The following STK11 variants were observed in gnomAD, a reference collection of about 807,000 sequenced individuals.
STK11 encodes the protein serine/threonine kinase 11.
Under a neutral mutation model 47.3 loss-of-function variants are expected in STK11, and 8 were observed. That is an observed-to-expected ratio of 0.17 (90% CI 0.10 to 0.31). The LOEUF (loss-of-function observed/expected upper bound fraction) is 0.31. STK11 is among the 10% of genes least tolerant of loss of function. The pLI, the probability that STK11 is intolerant of heterozygous loss-of-function variation, is 1.00. For missense variants in STK11, 475 were observed against 605.0 expected (o/e 0.79, Z 2.25); for synonymous variants, 330 against 255.8 (o/e 1.29, Z -2.77).
intron 1 of STK11, chr19:1,216,260 T>C: frequency 5.9e-6 from 1 of 169,094 alleles, no homozygotes; most frequent in Non-Finnish European, 1.3e-5. Flanking sequence ...CTCCATCCCC[T>C]CCACCAGCTC....
chr19:1,218,977 C>T (rs1304591696), intron 2 of STK11, among the ~76,000 whole-genome samples: 2 of 151,688 alleles, frequency 1.3e-5, no homozygotes, highest in African/African-American at 2.4e-5. Context: ...TTCCCTGAGC[C>T]ACGCGGTCAG....
At chr19:1,222,478 C>T (rs1368595837) in intron 7 of STK11, among the ~76,000 whole-genome samples, 1 of 152,202 alleles carries the variant, frequency 6.6e-6, no homozygotes, top group Non-Finnish European at 1.5e-5. Flanking sequence ...CCCCTGGAGG[C>T]CCTTGAGCCG....
At chr19:1,226,208 G>T in intron 8 of STK11, 1 of 1,360,240 alleles carries the variant, frequency 7.4e-7, no homozygotes, top group Non-Finnish European at 9.5e-7. Context: ...GCCATGGCAG[G>T]TGCAACAGAC....
intron 1 of STK11, among the ~76,000 whole-genome samples, chr19:1,208,784 ATTTTT>A (rs138858798): frequency 2.5e-5 from 3 of 121,774 alleles, no homozygotes; most frequent in Non-Finnish European, 5.1e-5. Flanking sequence ...TGCCCAGCTA[ATTTTT>A]TTTTTTTTTT....
intron 3 of STK11, chr19:1,219,881 T>C (rs1391244428): frequency 5.2e-6 from 1 of 191,784 alleles, no homozygotes; most frequent in Non-Finnish European, 1.1e-5. Context: ...AGTTTTGGGG[T>C]CCCCCATGTG....
At chr19:1,226,275 T>A in intron 8 of STK11, 179 bp from the exon 9 acceptor site, 4 of 1,427,964 alleles carry the variant, frequency 2.8e-6, no homozygotes, top group Non-Finnish European at 3.7e-6. Context: ...CCCCGGGGGG[T>A]GCCTCCCAGA....
At chr19:1,226,843 G>A in intron 9 of STK11, 180 bp downstream of exon 9, 1 of 751,964 alleles carries the variant, frequency 1.3e-6, no homozygotes, top group Non-Finnish European at 2.0e-6. Context: ...CCGTCTCGGG[G>A]CCTGGTGTCT....
At chr19:1,211,776 A>G (rs1184400991) in intron 1 of STK11, among the ~76,000 whole-genome samples, 5 of 152,336 alleles carry the variant, frequency 3.3e-5, no homozygotes, top group East Asian at 1.9e-4. Context: ...GTGTCCAGCC[A>G]GGAGGTGGGA....
At chr19:1,210,076 C>T (rs2145410266) in intron 1 of STK11, among the ~76,000 whole-genome samples, 1 of 152,252 alleles carries the variant, frequency 6.6e-6, no homozygotes, top group African/African-American at 2.4e-5. Context: ...TCACTGTCTG[C>T]CATCAGGAGC....
intron 1 of STK11, among the ~76,000 whole-genome samples, chr19:1,213,479 G>A (rs957820180): frequency 2.0e-5 from 3 of 152,198 alleles, no homozygotes; most frequent in Non-Finnish European, 4.4e-5. Context: ...TCCTGCCTCT[G>A]GATTGGCCTG....
intron 3 of STK11, chr19:1,220,100 T>G: frequency 2.2e-6 from 1 of 444,606 alleles, no homozygotes; most frequent in South Asian, 3.3e-5. Flanking sequence ...CCAGCAAGAC[T>G]TTGGGGTGCA....
Position 1,219,427 on chromosome 19 carries a change from G to T in STK11, c.464+14G>T. ...CCAGGCCCACGGGTGCGTGCGCGGG[G>T]CAGGGGCCAGGGTGGGGCGGGGGCC... On this transcript the variant is annotated intron_variant, in intron 3 of 9. Transcript: ENST00000326873. 8.1e-7 allele frequency: 1 copy of T among 1,234,724 alleles called. No homozygotes were observed. The highest frequency in any genetic ancestry group is 1.1e-6 in the Non-Finnish European group (1 of 897,650). 76.5% of individuals were successfully genotyped at this position (1,234,724 alleles called of 1,614,324 possible). A position where few individuals can be genotyped will look rare whatever the true frequency, so the allele number is the denominator to read the frequency against.
At chr19:1,223,592 T>C in intron 8 of STK11, 1 of 1,079,450 alleles carries the variant, frequency 9.3e-7, no homozygotes, top group Non-Finnish European at 1.1e-6. Context: ...CCGTCGTCCC[T>C]GAGGCCTGCC....
intron 8 of STK11, chr19:1,225,790 C>G (rs888652942): frequency 2.0e-6 from 2 of 985,568 alleles, no homozygotes; most frequent in Non-Finnish European, 2.4e-6. Context: ...CCTCGCCAAC[C>G]ACCACGGCTC....
intron 7 of STK11, among the ~76,000 whole-genome samples, 181 bp downstream of exon 7, chr19:1,222,187 C>T (rs953393106): frequency 6.6e-6 from 1 of 152,202 alleles, no homozygotes; most frequent in Non-Finnish European, 1.5e-5. Flanking sequence ...GTCCTGTTAC[C>T]GGCCAGACCC....
chr19:1,221,196 C>G lies in STK11; in HGVS notation c.735-17C>G, dbSNP rs1057520874. On this transcript the variant is annotated splice_polypyrimidine_tract_variant and intron_variant, in intron 5 of 9. Coordinates refer to ENST00000326873, the MANE Select transcript of STK11 (RefSeq NM_000455.5). ...CCTTGACTGACCACGCCTTTCTTCC[C>G]TCCCCTCGAAATGAAGCTACAACAT... 6.2e-7 allele frequency: 1 copy of G among 1,611,230 alleles called. No individual in the cohort carries two copies. The highest frequency in any genetic ancestry group is 8.5e-7 in the Non-Finnish European group (1 of 1,178,608).
intron 5 of STK11, 118 bp from the exon 6 acceptor site, chr19:1,221,095 C>A: frequency 1.4e-6 from 2 of 1,440,292 alleles, no homozygotes; most frequent in South Asian, 2.6e-5. Context: ...TCCTTGAGTC[C>A]ACAGGGCCTC....
chr19:1,219,828 AG>A (rs2080770313), intron 3 of STK11, among the ~76,000 whole-genome samples: 1 of 152,094 alleles, frequency 6.6e-6, no homozygotes, highest in African/African-American at 2.4e-5. Flanking sequence ...TACAGGCATG[AG>A]CTACCACGCC....
Position 1,221,539 on chromosome 19 carries a change from C to T in STK11, c.862+199C>T, listed in dbSNP as rs117741423. The T allele has an allele frequency of 2.5e-5, 21 of 845,448 alleles. No homozygotes were observed. The African/African-American group carries it at 3.1e-4, about 12-fold the overall frequency. 52.4% of individuals were successfully genotyped at this position (845,448 alleles called of 1,614,324 possible). On this transcript the variant is annotated intron_variant, in intron 6 of 9. Transcript: ENST00000326873. ...CTCCACCCTGCTTCTGGGCCCTGTT[C>T]ACCCTCCGAACTCCCACCCCAGAGG... is the stretch of plus-strand genomic sequence containing the variant.
Sources: gnomAD v4.1 joint callset for allele counts (sites outside exome capture counted in the v4.1 genomes callset) on GRCh38, gnomAD v4.1.1 for gene constraint, MANE v1.5 for transcripts, NCBI Gene and HGNC (gene_info 2026-07-23, HGNC 2026-07-21) for gene names.